TSHZ2: variants seen among roughly 807,000 people sequenced by gnomAD.
TSHZ2 encodes teashirt zinc finger homeobox 2.
A neutral mutation model predicts 74.4 loss-of-function variants in TSHZ2; 21 were observed. That is an observed-to-expected ratio of 0.28 (90% confidence interval 0.20 to 0.41). The LOEUF is 0.41. TSHZ2 is among the 10% of genes least tolerant of loss of function. TSHZ2 has a pLI of 1.00. For missense variants in TSHZ2, 1,244 were observed against 1,293.5 expected, an observed-to-expected ratio of 0.96 and a Z score of 0.59; for synonymous variants, 540 against 515.3, an observed-to-expected ratio of 1.05 and a Z score of -0.65.
At chr20:53,153,136 A>C (rs1034708650) in intron 1 of TSHZ2, among the ~76,000 whole-genome samples, 1 of 152,242 alleles carries the variant, frequency 6.6e-6, no homozygotes, top group Non-Finnish European at 1.5e-5. Flanking sequence ...GCATGGAACC[A>C]AAATCAGCTG....
intron 1 of TSHZ2, among the ~76,000 whole-genome samples, chr20:53,001,019 A>G (rs938533758): frequency 7.2e-5 from 11 of 152,080 alleles, no homozygotes; most frequent in African/African-American, 2.4e-4. Context: ...TTCAGCCAGG[A>G]GTGGAAGAGG....
At chr20:53,001,226 G>GTGTGTGTGTGTGTGTA (rs1982416998) in intron 1 of TSHZ2, among the ~76,000 whole-genome samples, 1 of 146,718 alleles carries the variant, frequency 6.8e-6, no homozygotes, top group African/African-American at 2.5e-5. Context: ...GTGTGTGTGT[G>GTGTGTGTGTGTGTGTA]TGTGTGTGTG....
intron 2 of TSHZ2, among the ~76,000 whole-genome samples, chr20:53,281,868 A>G (rs1991067648): frequency 1.3e-5 from 2 of 152,176 alleles, no homozygotes; most frequent in Admixed American, 1.3e-4. Context: ...CTCCACATCA[A>G]TCAGTCATTG....
chr20:53,205,031 C>CAG (rs1989131831), intron 1 of TSHZ2, among the ~76,000 whole-genome samples: 1 of 149,894 alleles, frequency 6.7e-6, no homozygotes, highest in Non-Finnish European at 1.5e-5. Flanking sequence ...GCAGAGGTTG[C>CAG]AGTGAGCAGA....
chr20:53,478,857 A>G (rs1038261415), intron 2 of TSHZ2, among the ~76,000 whole-genome samples: 2 of 148,738 alleles, frequency 1.3e-5, no homozygotes, highest in African/African-American at 2.5e-5. Context: ...AACCGCAAAA[A>G]GAAATCATCT....
At chr20:53,420,178 AATGCCT>A (rs1983418608) in intron 2 of TSHZ2, among the ~76,000 whole-genome samples, 1 of 152,236 alleles carries the variant, frequency 6.6e-6, no homozygotes, top group Admixed American at 6.5e-5. Flanking sequence ...GAAAGAATCA[AATGCCT>A]ATGGTGGCAG....
At chr20:53,413,915 G>A (rs1983144020) in intron 2 of TSHZ2, among the ~76,000 whole-genome samples, 2 of 151,816 alleles carry the variant, frequency 1.3e-5, no homozygotes, top group Admixed American at 6.5e-5. Context: ...GCCAAGGCAG[G>A]AGGATCACTT....
intron 2 of TSHZ2, among the ~76,000 whole-genome samples, chr20:53,409,834 CTTTTTTTTTTTTTTTTTTT>C (rs71194475): frequency 2.6e-4 from 13 of 49,340 alleles, no homozygotes; most frequent in African/African-American, 3.4e-4. Flanking sequence ...GTTTTCTTTT[CTTTTTTTTTTTTTTTTTTT>C]TTTTTTTTTT....
At chr20:53,468,688 CAAAAAA>C (rs1158529552) in intron 2 of TSHZ2, among the ~76,000 whole-genome samples, 197 of 65,398 alleles carry the variant, frequency 3.0e-3, no homozygotes, top group East Asian at 6.9e-3. Flanking sequence ...CATTACGAGA[CAAAAAA>C]AAAAAAAAAA....
rs575202693 is a variant in TSHZ2, at chr20:53,036,677, C to CATA, written c.40+63348_40+63350dup. The stretch of plus-strand genomic sequence containing the variant: ...TTATATATGATATTTATAATCTGTA[C>CATA]ATAATATGTGTATGTATTACTATGT... On this transcript the variant is annotated intron_variant, in intron 1 of 2. Transcript: ENST00000371497. 4.4e-3 allele frequency among the ~76,000 whole-genome samples: 287 copies of CATA among 65,108 alleles called. 2 individuals are homozygous for CATA. The highest frequency in any genetic ancestry group is 0.02 in the African/African-American group (260 of 12,868). The allele number at this position is 65,108 out of a possible 152,430, so 42.7% of individuals were successfully genotyped here.
At chr20:53,376,762 G>T (rs1052709340) in intron 2 of TSHZ2, among the ~76,000 whole-genome samples, 3 of 152,168 alleles carry the variant, frequency 2.0e-5, no homozygotes, top group African/African-American at 7.2e-5. Context: ...GACTAATCTG[G>T]CTTCCTCACA....
At chr20:53,306,532 G>C (rs1003552816) in intron 2 of TSHZ2, among the ~76,000 whole-genome samples, 2 of 152,036 alleles carry the variant, frequency 1.3e-5, no homozygotes, top group African/African-American at 4.8e-5. Flanking sequence ...TTGCTGCTGC[G>C]TCTCAATGCT....
chr20:53,244,814 C>A (rs1039876778), intron 1 of TSHZ2, among the ~76,000 whole-genome samples: 1 of 152,206 alleles, frequency 6.6e-6, no homozygotes, highest in African/African-American at 2.4e-5. Context: ...TTGTACATCA[C>A]TTTCTACGGA....
intron 1 of TSHZ2, among the ~76,000 whole-genome samples, chr20:53,156,396 G>T (rs1176030166): frequency 2.6e-5 from 4 of 152,118 alleles, no homozygotes; most frequent in African/African-American, 9.7e-5. Flanking sequence ...TGGGTCACAT[G>T]GGCACTTGGG....
At chr20:53,049,845 G>A (rs540937305) in intron 1 of TSHZ2, among the ~76,000 whole-genome samples, 2 of 152,158 alleles carry the variant, frequency 1.3e-5, no homozygotes, top group South Asian at 2.1e-4. Context: ...ACTTTGGGAA[G>A]CCAAGGCAGG....
In TSHZ2 at chr20:53,490,317, T is replaced by C. The variant is rs1986414001; in HGVS notation, c.*3182T>C. ...TAGCAAATTCATTTAACAAATATTA[T>C]TGGGCACCTGTTATGTGAGACACTG... On this transcript the variant is annotated 3_prime_UTR_variant, in exon 3 of 3. Transcript: ENST00000371497. 6.6e-6 allele frequency: 1 copy of C among 152,192 alleles called. No homozygotes were observed. Among genetic ancestry groups the C allele is most frequent in the African/African-American group, 2.4e-5 (1 of 41,448 alleles). 9.4% of individuals were successfully genotyped at this position (152,192 alleles called of 1,614,324 possible). A position where few individuals can be genotyped will look rare whatever the true frequency, so the allele number is the denominator to read the frequency against.
intron 1 of TSHZ2, among the ~76,000 whole-genome samples, chr20:53,242,025 T>C (rs1333050016): frequency 6.6e-6 from 1 of 152,190 alleles, no homozygotes. Context: ...TAATAGAGTG[T>C]TCTTCTCTGT....
chr20:53,023,771 G>C (rs76965145), intron 1 of TSHZ2, among the ~76,000 whole-genome samples: 2,887 of 152,210 alleles, frequency 0.019, 38 homozygotes, highest in Non-Finnish European at 0.029. Context: ...GAATATCAAG[G>C]ACATTTTTCT....
chr20:52,985,650 T>C (rs1829529652), intron 1 of TSHZ2, among the ~76,000 whole-genome samples: 2 of 152,242 alleles, frequency 1.3e-5, no homozygotes, highest in South Asian at 4.1e-4. Flanking sequence ...ATGTTGTGTC[T>C]CATTGCTTTC....
Sources: gnomAD v4.1 joint callset for allele counts (sites outside exome capture counted in the v4.1 genomes callset) on GRCh38, gnomAD v4.1.1 for gene constraint, MANE v1.5 for transcripts, NCBI Gene and HGNC (gene_info 2026-07-23, HGNC 2026-07-21) for gene names.